Variants in ARNT2 observed in about 807,000 individuals in gnomAD.
ARNT2 encodes ARNT protein 2.
In ARNT2, 36 loss-of-function variants were observed where a neutral mutation model predicts 91.7. The ratio of observed to expected loss-of-function variants is 0.39; its 90% CI spans 0.30 to 0.52. The LOEUF is 0.52. ARNT2 is among the 20% of genes least tolerant of loss of function. The probability of loss-of-function intolerance (pLI) is 0.72; values close to 1 mark genes in which losing one functional copy is unlikely to be tolerated. For missense variants in ARNT2, 775 were observed against 939.3 expected, an observed-to-expected ratio of 0.83 and a Z score of 2.29; for synonymous variants, 365 against 347.1, an observed-to-expected ratio of 1.05 and a Z score of -0.57.
At chr15:80,550,747 C>T (rs1193100842) in intron 8 of ARNT2, among the ~76,000 whole-genome samples, 1 of 152,232 alleles carries the variant, frequency 6.6e-6, no homozygotes, top group Non-Finnish European at 1.5e-5. Flanking sequence ...TGGTTGTGCT[C>T]CCTTGCCTGA....
chr15:80,572,424 T>G (rs8034102), intron 12 of ARNT2, among the ~76,000 whole-genome samples: 1 of 151,612 alleles, frequency 6.6e-6, no homozygotes, highest in Non-Finnish European at 1.5e-5. Flanking sequence ...GAAGCTGGTC[T>G]ACCTTCCACA....
chr15:80,445,389 A>G (rs1054100284), intron 1 of ARNT2, among the ~76,000 whole-genome samples: 1 of 134,280 alleles, frequency 7.4e-6, no homozygotes, highest in Non-Finnish European at 1.6e-5. Flanking sequence ...GGGTGTGTGC[A>G]GGTGTCGTGT....
At chr15:80,534,667 A>C (rs1414108167) in intron 8 of ARNT2, among the ~76,000 whole-genome samples, 4 of 152,222 alleles carry the variant, frequency 2.6e-5, no homozygotes, top group African/African-American at 9.6e-5. Flanking sequence ...TTGTTCCTTT[A>C]AATGGCTGCA....
At chr15:80,430,927 T>C in intron 1 of ARNT2, among the ~76,000 whole-genome samples, 1 of 152,060 alleles carries the variant, frequency 6.6e-6, no homozygotes, top group East Asian at 1.9e-4. Context: ...CTGGGCCCTG[T>C]TCTGGGTGGT....
intron 8 of ARNT2, among the ~76,000 whole-genome samples, chr15:80,544,740 C>G (rs1274601332): frequency 2.6e-5 from 4 of 152,106 alleles, no homozygotes; most frequent in Non-Finnish European, 5.9e-5. Context: ...TAGAGGCAAT[C>G]AGAAACATAT....
At chr15:80,581,087 TC>T (rs1898789534) in intron 16 of ARNT2, 151 bp from the exon 17 acceptor site, 1 of 926,448 alleles carries the variant, frequency 1.1e-6, no homozygotes, top group Non-Finnish European at 1.6e-6. Flanking sequence ...ACCGGGCTGA[TC>T]CCAGGCCTGT....
At chr15:80,494,051 C>T (rs1282541689) in intron 5 of ARNT2, among the ~76,000 whole-genome samples, 1 of 152,178 alleles carries the variant, frequency 6.6e-6, no homozygotes. Context: ...TGGCACCATG[C>T]TTCTTATACA....
intron 5 of ARNT2, among the ~76,000 whole-genome samples, chr15:80,492,741 G>A (rs964238609): frequency 3.3e-5 from 5 of 151,794 alleles, no homozygotes; most frequent in African/African-American, 1.2e-4. Context: ...ATTTCCAAAG[G>A]TTTCTTTTAA....
At chr15:80,414,002 G>A (rs1438060927) in intron 1 of ARNT2, among the ~76,000 whole-genome samples, 1 of 152,234 alleles carries the variant, frequency 6.6e-6, no homozygotes, top group Non-Finnish European at 1.5e-5. Flanking sequence ...GAGGTCAGTA[G>A]ATGAGCTGAG....
intron 4 of ARNT2, among the ~76,000 whole-genome samples, chr15:80,472,786 A>G (rs546803458): frequency 2.0e-5 from 3 of 152,346 alleles, no homozygotes; most frequent in South Asian, 4.1e-4. Context: ...GGCCTGAGGT[A>G]TAATGAAGGG....
chr15:80,457,246 A>G (rs1419598176), intron 2 of ARNT2, among the ~76,000 whole-genome samples: 1 of 152,236 alleles, frequency 6.6e-6, no homozygotes, highest in Non-Finnish European at 1.5e-5. Flanking sequence ...GGTGAATCTG[A>G]ATAACTACTT....
At chr15:80,450,337 C>A (rs77653658) in intron 1 of ARNT2, among the ~76,000 whole-genome samples, 254 of 152,350 alleles carry the variant, frequency 1.7e-3, no homozygotes, top group African/African-American at 6.0e-3. Flanking sequence ...CTGTCTTCGT[C>A]AATAACAGAG....
chr15:80,487,185 C>T (rs74029822), intron 5 of ARNT2, among the ~76,000 whole-genome samples: 5,385 of 152,248 alleles, frequency 0.035, 183 homozygotes, highest in East Asian at 0.13. Context: ...GCCCTGAGCC[C>T]GGGCTTCCAT....
chr15:80,501,381 C>G (rs928207747), intron 5 of ARNT2, among the ~76,000 whole-genome samples: 4 of 152,144 alleles, frequency 2.6e-5, no homozygotes, highest in Non-Finnish European at 5.9e-5. Context: ...AAAGAACAGG[C>G]ATGCATAGAA....
intron 8 of ARNT2, among the ~76,000 whole-genome samples, chr15:80,527,950 G>A (rs553108685): frequency 2.0e-5 from 3 of 151,978 alleles, no homozygotes; most frequent in South Asian, 2.1e-4. Context: ...ATTCCTGGGA[G>A]TTTGTAGCCT....
intron 18 of ARNT2, among the ~76,000 whole-genome samples, chr15:80,592,300 G>T (rs556475077): frequency 6.6e-6 from 1 of 152,334 alleles, no homozygotes; most frequent in East Asian, 1.9e-4. Flanking sequence ...CAGCCCCACA[G>T]AGCAGGCCCC....
Position 80,465,614 on chromosome 15 carries a change from T to TA in ARNT2, c.195-4603dup, listed in dbSNP as rs372912504. Among the ~76,000 whole-genome samples the TA allele has an allele frequency of 6.5e-3, 992 of 152,310 alleles. 7 individuals carry two copies. Among genetic ancestry groups the TA allele is most frequent in the African/African-American group, 0.023 (938 of 41,560 alleles). On this transcript the variant is annotated intron_variant, in intron 3 of 18. Transcript: ENST00000303329. ...TTCTCAGATTTGGACCATGGCAGTGTAGGTGGCCTGGCTAGAGCTAGACTT... is the reference window on the plus strand; with the variant it reads ...TTCTCAGATTTGGACCATGGCAGTGTAAGGTGGCCTGGCTAGAGCTAGACTT...
chr15:80,424,777 C>CAAAA (rs11403327), intron 1 of ARNT2, among the ~76,000 whole-genome samples: 1 of 147,086 alleles, frequency 6.8e-6, no homozygotes, highest in East Asian at 2.0e-4. Context: ...AAACAGCCCT[C>CAAAA]AAAAAAAAAA....
At position 80,469,709 on chromosome 15, in the gene ARNT2, G is replaced by A. The variant is rs531120173; in HGVS notation, c.195-509G>A. ...AGCTTACTGCAATCTCCATCTCCCA[G>A]GTTCAAGCAATTCTTGTGCTTCAGC... On this transcript the variant is annotated intron_variant, in intron 3 of 18. Transcript: ENST00000303329. Among the ~76,000 whole-genome samples, 105 of 152,236 alleles carry A rather than the reference G, an allele frequency of 6.9e-4. No individual in the cohort carries two copies. In the South Asian group the frequency reaches 0.011, roughly 16 times the overall value.
Sources: gnomAD v4.1 joint callset for allele counts (sites outside exome capture counted in the v4.1 genomes callset) on GRCh38, gnomAD v4.1.1 for gene constraint, MANE v1.5 for transcripts, NCBI Gene and HGNC (gene_info 2026-07-23, HGNC 2026-07-21) for gene names.